SPAG6: variants seen among roughly 807,000 people sequenced by gnomAD.
SPAG6 encodes sperm-associated antigen 6.
Under a neutral mutation model 58.5 loss-of-function variants are expected in SPAG6, and 49 were observed. The observed-to-expected ratio is 0.84, with a 90% CI of 0.67 to 1.06. The LOEUF is 1.06. Ranked by LOEUF, SPAG6 falls within the 50% of genes least tolerant of loss-of-function variation. The probability of loss-of-function intolerance (pLI) is 0.00; values close to 1 mark genes in which losing one functional copy is unlikely to be tolerated. For synonymous variants in SPAG6, 233 were observed against 225.6 expected (o/e 1.03, Z -0.29); for missense variants, 560 against 611.3 (o/e 0.92, Z 0.89).
chr10:22,380,939 G>T (rs1441151500), intron 4 of SPAG6, among the ~76,000 whole-genome samples: 1 of 151,376 alleles, frequency 6.6e-6, no homozygotes, highest in Non-Finnish European at 1.5e-5. Flanking sequence ...TCTTCATTTT[G>T]AATTCTTTTT....
At chr10:22,386,654 A>C (rs936383348) in intron 4 of SPAG6, 100 bp from the exon 5 acceptor site, 1 of 858,300 alleles carries the variant, frequency 1.2e-6, no homozygotes, top group African/African-American at 1.7e-5. Context: ...AGTGAAGTAC[A>C]CCCTCCCCTT....
Position 22,378,551 on chromosome 10 carries a change from A to G in SPAG6, c.473-8203A>G, listed in dbSNP as rs144389091. Among the ~76,000 whole-genome samples the G allele has an allele frequency of 3.4e-3, 525 of 152,244 alleles. 2 individuals carry two copies. The highest frequency in any genetic ancestry group is 0.012 in the African/African-American group (509 of 41,540). ...TAGATTCAAAAAGCATTACTTTGTA[A>G]AGATGTAATTCCATTTATTTTAGCT... On this transcript the variant is annotated intron_variant, in intron 4 of 10. Transcript: ENST00000376624.
intron 4 of SPAG6, among the ~76,000 whole-genome samples, chr10:22,374,004 A>T (rs528393394): frequency 1.9e-3 from 296 of 152,232 alleles, no homozygotes; most frequent in Non-Finnish European, 3.0e-3. Flanking sequence ...TTGGTTGGTT[A>T]TTTTTAGGGT....
intron 2 of SPAG6, among the ~76,000 whole-genome samples, chr10:22,347,884 C>T (rs755843535): frequency 3.2e-4 from 49 of 152,238 alleles, no homozygotes; most frequent in Admixed American, 3.9e-4. Context: ...TTCATGTTAT[C>T]GAGATTCAAT....
chr10:22,376,228 T>G (rs1833812203), intron 4 of SPAG6, among the ~76,000 whole-genome samples: 1 of 152,182 alleles, frequency 6.6e-6, no homozygotes, highest in East Asian at 1.9e-4. Context: ...TGATGAAAAT[T>G]TAGTGGCTGA....
At chr10:22,398,998 C>T (rs1360819699) in intron 8 of SPAG6, among the ~76,000 whole-genome samples, 1 of 151,914 alleles carries the variant, frequency 6.6e-6, no homozygotes, top group African/African-American at 2.4e-5. Context: ...TTTGTATTTT[C>T]AATAGACACA....
intron 2 of SPAG6, among the ~76,000 whole-genome samples, chr10:22,357,613 T>C (rs147259807): frequency 0.032 from 4,877 of 152,124 alleles, 292 homozygotes; most frequent in African/African-American, 0.11. Context: ...CTTTAAGTTT[T>C]AGGGTACATG....
chr10:22,394,601 A>T (rs1834250049), intron 8 of SPAG6, among the ~76,000 whole-genome samples: 1 of 152,168 alleles, frequency 6.6e-6, no homozygotes, highest in Admixed American at 6.6e-5. Context: ...AATGCTACCC[A>T]TTAGCTGTGA....
At chr10:22,383,637 C>CA (rs1267547139) in intron 4 of SPAG6, among the ~76,000 whole-genome samples, 45 of 145,350 alleles carry the variant, frequency 3.1e-4, no homozygotes, top group Admixed American at 9.7e-4. Flanking sequence ...GACTCCATCT[C>CA]AAAAAAAAAG....
chr10:22,355,408 G>A (rs1836839399), intron 2 of SPAG6, among the ~76,000 whole-genome samples: 1 of 152,184 alleles, frequency 6.6e-6, no homozygotes, highest in Admixed American at 6.5e-5. Flanking sequence ...ACTAAAAAAT[G>A]ATATATCAGA....
At chr10:22,407,083 CTT>C (rs951892608) in intron 9 of SPAG6, among the ~76,000 whole-genome samples, 36 of 151,998 alleles carry the variant, frequency 2.4e-4, no homozygotes, top group African/African-American at 8.7e-4. Flanking sequence ...TGTCTTGACT[CTT>C]TATCCAATTT....
In SPAG6 at chr10:22,411,132, A is replaced by G. The variant is rs765361057; in HGVS notation, c.1416A>G (p.Glu472=). The G allele has an allele frequency of 1.2e-6, 2 of 1,614,010 alleles. No homozygotes were observed. Among genetic ancestry groups the G allele is most frequent in the East Asian group, 2.2e-5 (1 of 44,876 alleles). ...IKAEPGSLLQ[E]YINSINSCYP... ...CAGAACCTGGTTCTCTCCTTCAAGA[A>G]TACATCAACAGTATTAACAGTTGTT... is the stretch of plus-strand genomic sequence containing the variant. Residue 472 remains glutamate, a synonymous_variant, in exon 10 of 11, where the codon GAA becomes GAG. Transcript: ENST00000376624.
At chr10:22,360,659 A>G (rs1004860441) in intron 2 of SPAG6, 2 of 165,620 alleles carry the variant, frequency 1.2e-5, no homozygotes, top group Non-Finnish European at 2.5e-5. Flanking sequence ...ATTGAGTTTA[A>G]TATGTGAATT....
chr10:22,393,099 G>T (rs1435631016), intron 8 of SPAG6, among the ~76,000 whole-genome samples: 1 of 152,092 alleles, frequency 6.6e-6, no homozygotes, highest in Non-Finnish European at 1.5e-5. Context: ...TTTCTGGTGA[G>T]AAACCAAAAC....
intron 4 of SPAG6, among the ~76,000 whole-genome samples, chr10:22,382,903 T>C (rs1833986317): frequency 6.6e-6 from 1 of 152,204 alleles, no homozygotes; most frequent in Non-Finnish European, 1.5e-5. Flanking sequence ...CCACCCATAG[T>C]ACCATCAACC....
intron 2 of SPAG6, chr10:22,360,881 C>G: frequency 7.2e-7 from 1 of 1,383,994 alleles, no homozygotes; most frequent in East Asian, 2.5e-5. Context: ...AGAAAAATTT[C>G]TTTTTATTTC....
At chr10:22,365,274 A>G (rs992190425) in intron 3 of SPAG6, among the ~76,000 whole-genome samples, 29 of 152,194 alleles carry the variant, frequency 1.9e-4, no homozygotes, top group Non-Finnish European at 3.4e-4. Flanking sequence ...CAGTATTTCT[A>G]TATATGAGAG....
intron 9 of SPAG6, among the ~76,000 whole-genome samples, chr10:22,407,926 G>A (rs1361075275): frequency 5.4e-5 from 8 of 149,000 alleles, no homozygotes; most frequent in African/African-American, 1.0e-4. Flanking sequence ...CCAGTTGATC[G>A]CATTGGCTCC....
At chr10:22,403,714 A>C (rs1465047805) in intron 9 of SPAG6, among the ~76,000 whole-genome samples, 4 of 141,356 alleles carry the variant, frequency 2.8e-5, no homozygotes, top group Non-Finnish European at 6.1e-5. Context: ...CGCCACACTG[A>C]CTTCCACAAT....
Sources: gnomAD v4.1 joint callset for allele counts (sites outside exome capture counted in the v4.1 genomes callset) on GRCh38, gnomAD v4.1.1 for gene constraint, MANE v1.5 for transcripts, NCBI Gene and HGNC (gene_info 2026-07-23, HGNC 2026-07-21) for gene names.